The following PLAAT5 variants were observed in gnomAD, a reference collection of about 807,000 sequenced individuals.
PLAAT5 encodes the protein phospholipase A and acyltransferase 5.
In PLAAT5, 27 loss-of-function variants were observed where a neutral mutation model predicts 27.8. The observed-to-expected ratio is 0.97, with a 90% CI of 0.72 to 1.34. The LOEUF (loss-of-function observed/expected upper bound fraction) is 1.34. Ranked by LOEUF, PLAAT5 falls within the 40% of genes most tolerant of loss-of-function variation. The pLI, the probability that PLAAT5 is intolerant of heterozygous loss-of-function variation, is 0.00. For missense variants in PLAAT5, 368 were observed against 343.8 expected, an observed-to-expected ratio of 1.07 and a Z score of -0.56; for synonymous variants, 125 against 136.1, an observed-to-expected ratio of 0.92 and a Z score of 0.57.
intron 3 of PLAAT5, among the ~76,000 whole-genome samples, chr11:63,477,510 G>A (rs764322361): frequency 4.0e-5 from 6 of 151,840 alleles, no homozygotes; most frequent in South Asian, 2.1e-4. Flanking sequence ...GAGTCTCGCC[G>A]TGTCGCCCAG....
intron 3 of PLAAT5, among the ~76,000 whole-genome samples, chr11:63,477,762 A>G (rs559691527): frequency 1.1e-4 from 16 of 152,170 alleles, no homozygotes; most frequent in African/African-American, 3.6e-4. Flanking sequence ...CGTGAGCCAC[A>G]GTGCCCGGCT....
At chr11:63,488,123 C>G (rs936721920) in intron 3 of PLAAT5, among the ~76,000 whole-genome samples, 3 of 151,838 alleles carry the variant, frequency 2.0e-5, no homozygotes, top group Admixed American at 6.6e-5. Context: ...CCAGCCTGGG[C>G]GACAGAGCGA....
intron 3 of PLAAT5, among the ~76,000 whole-genome samples, chr11:63,481,087 A>T (rs969517798): frequency 2.0e-5 from 3 of 152,214 alleles, no homozygotes; most frequent in Non-Finnish European, 2.9e-5. Context: ...GTATTGTCTT[A>T]AAAAATTGCT....
chr11:63,469,145 T>A (rs11231501), intron 3 of PLAAT5, among the ~76,000 whole-genome samples: 9,884 of 122,540 alleles, frequency 0.081, 527 homozygotes, highest in African/African-American at 0.16. Context: ...TGTGTGTGTG[T>A]GAGAGAGAGA....
intron 4 of PLAAT5, among the ~76,000 whole-genome samples, chr11:63,467,321 C>A (rs1376867397): frequency 6.6e-6 from 1 of 152,010 alleles, no homozygotes; most frequent in East Asian, 1.9e-4. Context: ...GAGGGAAACT[C>A]CTGGACTTAG....
chr11:63,483,647 CA>C (rs899244670), intron 3 of PLAAT5, among the ~76,000 whole-genome samples: 2,899 of 64,252 alleles, frequency 0.045, 42 homozygotes, highest in African/African-American at 0.082. Context: ...ATGCCTACAC[CA>C]AAAAAAAAAA....
chr11:63,465,557 C>T (rs1278686050), intron 5 of PLAAT5, among the ~76,000 whole-genome samples: 1 of 151,726 alleles, frequency 6.6e-6, no homozygotes, highest in Non-Finnish European at 1.5e-5. Context: ...TTTGGGAGGT[C>T]GAAGTGGAGG....
At chr11:63,471,162 T>C (rs2016013925) in intron 3 of PLAAT5, among the ~76,000 whole-genome samples, 1 of 152,156 alleles carries the variant, frequency 6.6e-6, no homozygotes, top group Non-Finnish European at 1.5e-5. Flanking sequence ...GTGAAAAAAA[T>C]ATTTAATCAA....
At chr11:63,477,563 C>T (rs1173949659) in intron 3 of PLAAT5, among the ~76,000 whole-genome samples, 1 of 151,458 alleles carries the variant, frequency 6.6e-6, no homozygotes, top group Non-Finnish European at 1.5e-5. Context: ...GCAACCTCCG[C>T]CTTCCAGGTT....
At chr11:63,488,678 T>G (rs1186678105) in intron 3 of PLAAT5, among the ~76,000 whole-genome samples, 193 bp downstream of exon 3, 3 of 148,566 alleles carry the variant, frequency 2.0e-5, no homozygotes, top group Admixed American at 6.6e-5. Flanking sequence ...TTTGTGGGTT[T>G]TTTTTTTTTT....
At chr11:63,488,841 A>G in intron 3 of PLAAT5, 30 bp downstream of exon 3, 1 of 1,458,762 alleles carries the variant, frequency 6.9e-7, no homozygotes, top group Non-Finnish European at 9.6e-7. Flanking sequence ...GGTTAAAGAT[A>G]GTCACTTTGA....
At chr11:63,490,596 T>TA (rs1335621441) in intron 1 of PLAAT5, 1 of 624,132 alleles carries the variant, frequency 1.6e-6, no homozygotes, top group African/African-American at 1.8e-5. Context: ...GCCTCTATCC[T>TA]AAGCCCGATG....
chr11:63,483,599 A>G (rs2016335582), intron 3 of PLAAT5, among the ~76,000 whole-genome samples: 2 of 147,246 alleles, frequency 1.4e-5, no homozygotes, highest in Admixed American at 1.4e-4. Context: ...TCAGTGACAC[A>G]GCAAAAGTGG....
intron 5 of PLAAT5, among the ~76,000 whole-genome samples, chr11:63,465,120 A>G (rs150590903): frequency 1.4e-4 from 21 of 152,202 alleles, no homozygotes; most frequent in Non-Finnish European, 2.5e-4. Flanking sequence ...TCTACTCAAA[A>G]TACAAAAATT....
At position 63,463,625 on chromosome 11, in the gene PLAAT5, C is replaced by A. The variant is rs771781619; in HGVS notation, c.718-30G>T. 31 of 1,581,876 alleles carry A rather than the reference C, an allele frequency of 2.0e-5. No homozygotes were observed. The Middle Eastern group carries it at 1.3e-3, about 68-fold the overall frequency. On this transcript the variant is annotated intron_variant, in intron 5 of 5. Transcript: ENST00000540857. ...AAAGCACATCAGTTCACAGGACAAT[C>A]AGTACCAATCCTAGGCTTGCACCCT...
chr11:63,470,675 A>G (rs1056655882), intron 3 of PLAAT5: 2 of 152,464 alleles, frequency 1.3e-5, no homozygotes, highest in African/African-American at 4.8e-5. Flanking sequence ...ACAAATATAA[A>G]TAATGTGGCA....
chr11:63,475,706 T>C (rs2016137172), intron 3 of PLAAT5, among the ~76,000 whole-genome samples: 2 of 152,110 alleles, frequency 1.3e-5, no homozygotes, highest in African/African-American at 4.8e-5. Flanking sequence ...TTTGCCTTCT[T>C]TTTTGTATCA....
At position 63,463,434 on chromosome 11, in the gene PLAAT5, C is replaced by G. The variant is rs954581645; in HGVS notation, c.*69G>C. The G allele has an allele frequency of 1.0e-5, 12 of 1,186,730 alleles. No homozygotes were observed. The highest frequency in any genetic ancestry group is 2.5e-6 in the Non-Finnish European group (2 of 798,710). The allele number at this position is 1,186,730 out of a possible 1,614,324, so 73.5% of individuals were successfully genotyped here. A position where few individuals can be genotyped will look rare whatever the true frequency, so the allele number is the denominator to read the frequency against. The stretch of plus-strand genomic sequence containing the variant: ...CTTAATCGGAGCCATTGAGAGAAGG[C>G]AAGGGAAGGAAGCATGTTCTTTTTG... On this transcript the variant is annotated 3_prime_UTR_variant, in exon 6 of 6. Coordinates refer to ENST00000540857, the MANE Select transcript of PLAAT5 (RefSeq NM_001146729.2).
intron 5 of PLAAT5, among the ~76,000 whole-genome samples, chr11:63,465,017 G>A (rs1323638942): frequency 6.6e-6 from 1 of 152,160 alleles, no homozygotes; most frequent in Non-Finnish European, 1.5e-5. Flanking sequence ...AGTGGCTCAT[G>A]CCTGTAATCT....
Sources: allele counts gnomAD v4.1 joint callset (sites outside exome capture counted in the v4.1 genomes callset), GRCh38; gene constraint gnomAD v4.1.1; transcripts MANE v1.5; gene names NCBI Gene and HGNC (gene_info 2026-07-23, HGNC 2026-07-21).